Variants in BCAS3 observed in about 807,000 individuals in gnomAD.
BCAS3 encodes the protein BCAS4/BCAS3 fusion.
BCAS3 carries 53 observed loss-of-function variants against 116.1 expected under a neutral mutation model. The ratio of observed to expected loss-of-function variants is 0.46; its 90% CI spans 0.37 to 0.57. The LOEUF (loss-of-function observed/expected upper bound fraction) is 0.57, where lower values mean the gene tolerates loss of function less well. BCAS3 is among the 20% of genes least tolerant of loss of function. BCAS3 has a pLI of 0.00. For synonymous variants in BCAS3, 391 were observed against 408.2 expected (o/e 0.96, Z 0.51); for missense variants, 917 against 1,165.4 (o/e 0.79, Z 3.10).
At chr17:60,889,641 C>A in intron 9 of BCAS3, 54 bp from the exon 10 acceptor site, 1 of 1,443,952 alleles carries the variant, frequency 6.9e-7, no homozygotes, top group Admixed American at 1.7e-5. Flanking sequence ...ATATGATGCA[C>A]CAACAGAAAA....
intron 22 of BCAS3, among the ~76,000 whole-genome samples, chr17:61,216,332 C>G (rs2081783104): frequency 6.6e-6 from 1 of 152,054 alleles, no homozygotes; most frequent in Non-Finnish European, 1.5e-5. Context: ...ACCATTTTGT[C>G]AGATTTTTCT....
At chr17:60,839,072 A>G (rs943550202) in intron 7 of BCAS3, among the ~76,000 whole-genome samples, 1 of 152,244 alleles carries the variant, frequency 6.6e-6, no homozygotes, top group African/African-American at 2.4e-5. Flanking sequence ...TTTATATTAT[A>G]TGTATATTAC....
chr17:61,257,391 A>C (rs1417908611), intron 22 of BCAS3, among the ~76,000 whole-genome samples: 1 of 149,246 alleles, frequency 6.7e-6, no homozygotes, highest in African/African-American at 2.5e-5. Context: ...ACTGCACTCC[A>C]ACCTGGGAGA....
In BCAS3 at chr17:61,124,018, A is replaced by G. The variant is rs575566147; in HGVS notation, c.2425+39454A>G. 2.0e-5 allele frequency among the ~76,000 whole-genome samples: 3 copies of G among 152,150 alleles called. No individual in the cohort carries two copies. On this transcript the variant is annotated intron_variant, in intron 22 of 23. Coordinates refer to ENST00000407086, the MANE Select transcript of BCAS3 (RefSeq NM_017679.5). This position sits in a 1 kb window ranked among gnomAD's most constrained non-coding sequence, Gnocchi z 4.6. The stretch of plus-strand genomic sequence containing the variant: ...ATCAAATCAGTTCTTTTATGTGCTT[A>G]TACTACATGGTTTTCAGCTATCAAA...
chr17:61,029,809 A>G lies in BCAS3; in HGVS notation c.1638-4857A>G, dbSNP rs991542296. ...GTTTTCTAAGAGTTTTGATCAAGCT[A>G]TAAACAGTTCATGTAAACTAATCTT... is the stretch of plus-strand genomic sequence containing the variant. On this transcript the variant is annotated intron_variant, in intron 16 of 23. Coordinates refer to ENST00000407086, the MANE Select transcript of BCAS3 (RefSeq NM_017679.5). The surrounding 1 kb of genome is among the most constrained non-coding windows in gnomAD (Gnocchi z 5.2). Among the ~76,000 whole-genome samples the G allele has an allele frequency of 2.6e-5, 4 of 151,998 alleles. No homozygotes were observed. Among genetic ancestry groups the G allele is most frequent in the African/African-American group, 9.7e-5 (4 of 41,432 alleles).
intron 5 of BCAS3, among the ~76,000 whole-genome samples, chr17:60,743,611 G>C (rs2041787818): frequency 6.6e-6 from 1 of 151,732 alleles, no homozygotes; most frequent in Non-Finnish European, 1.5e-5. Context: ...TAATAATGCA[G>C]CATTATAAAG....
intron 3 of BCAS3, among the ~76,000 whole-genome samples, chr17:60,685,140 C>G (rs1338198623): frequency 6.6e-6 from 1 of 152,110 alleles, no homozygotes; most frequent in African/African-American, 2.4e-5. Flanking sequence ...TAACATTTTG[C>G]ACATTAGGCT....
At position 61,276,863 on chromosome 17, in the gene BCAS3, A is replaced by G. The variant is rs2050798751; in HGVS notation, c.2426-91464A>G. ...ACTGGCATAAGGATAGACATATACC[A>G]TAATGGAATAGAATTGAAAGTCCAA... On this transcript the variant is annotated intron_variant, in intron 22 of 23. Coordinates refer to ENST00000407086, the MANE Select transcript of BCAS3 (RefSeq NM_017679.5). The surrounding 1 kb of genome is among the most constrained non-coding windows in gnomAD (Gnocchi z 4.2). 6.6e-6 allele frequency among the ~76,000 whole-genome samples: 1 copy of G among 152,254 alleles called. No individual in the cohort carries two copies. The highest frequency in any genetic ancestry group is 1.5e-5 in the Non-Finnish European group (1 of 68,042).
intron 18 of BCAS3, among the ~76,000 whole-genome samples, chr17:61,038,651 G>GTTTTTGT (rs1555680995): frequency 7.5e-6 from 1 of 133,508 alleles, no homozygotes; most frequent in East Asian, 2.2e-4. Flanking sequence ...CCTTTTTTTT[G>GTTTTTGT]TTTTGTTTTT....
At position 61,227,306 on chromosome 17, in the gene BCAS3, A is replaced by G. The variant is rs560062194; in HGVS notation, c.2426-141021A>G. On this transcript the variant is annotated intron_variant, in intron 22 of 23. Transcript: ENST00000407086. This position sits in a 1 kb window ranked among gnomAD's most constrained non-coding sequence, Gnocchi z 6.1. ...CATATACAATGTCGCATGTGCTTTC[A>G]GGGGTTTCAGGACCCCTCTGAAATC... is the stretch of plus-strand genomic sequence containing the variant. 2.0e-5 allele frequency among the ~76,000 whole-genome samples: 3 copies of G among 152,334 alleles called. No individual in the cohort carries two copies. In the East Asian group the frequency reaches 5.8e-4, roughly 29 times the overall value.
At chr17:61,290,714 C>T (rs902234482) in intron 22 of BCAS3, among the ~76,000 whole-genome samples, 1 of 151,784 alleles carries the variant, frequency 6.6e-6, no homozygotes, top group African/African-American at 2.4e-5. Flanking sequence ...GGTAGGATTC[C>T]ATCATTAAGA....
chr17:60,849,178 T>C (rs934256213), intron 7 of BCAS3, among the ~76,000 whole-genome samples: 1 of 152,096 alleles, frequency 6.6e-6, no homozygotes, highest in Admixed American at 6.6e-5. Flanking sequence ...GCTAGCAAGC[T>C]GAGAGGCTAA....
At position 61,063,357 on chromosome 17, in the gene BCAS3, C is replaced by A. The variant is rs1281761825; in HGVS notation, c.2030-11563C>A. ...CAATCTCGGCTCACTGCAGCCTTTG[C>A]CTCCTGGGTTCAAGCGATTCTCACG... On this transcript the variant is annotated intron_variant, in intron 19 of 23. Coordinates refer to ENST00000407086, the MANE Select transcript of BCAS3 (RefSeq NM_017679.5). The surrounding 1 kb of genome is among the most constrained non-coding windows in gnomAD (Gnocchi z 5.3). Among the ~76,000 whole-genome samples, 1 of 151,944 alleles carries A rather than the reference C, an allele frequency of 6.6e-6. No individual in the cohort carries two copies. Among genetic ancestry groups the A allele is most frequent in the Non-Finnish European group, 1.5e-5 (1 of 68,004 alleles).
At chr17:60,816,367 C>T (rs1285401433) in intron 7 of BCAS3, among the ~76,000 whole-genome samples, 7 of 151,496 alleles carry the variant, frequency 4.6e-5, no homozygotes, top group South Asian at 4.2e-4. Context: ...CTCCACCTCC[C>T]GGGTTCAAGC....
In BCAS3 at chr17:61,073,333, G is replaced by A. The variant is rs1267599776; in HGVS notation, c.2030-1587G>A. 6.6e-6 allele frequency among the ~76,000 whole-genome samples: 1 copy of A among 152,198 alleles called. No homozygotes were observed. The highest frequency in any genetic ancestry group is 1.5e-5 in the Non-Finnish European group (1 of 68,030). On this transcript the variant is annotated intron_variant, in intron 19 of 23. Transcript: ENST00000407086. The surrounding 1 kb of genome is among the most constrained non-coding windows in gnomAD (Gnocchi z 4.6). Reference sequence around the variant, plus strand: ...CTTTAATACTGTGTATGCCTCTGCTGAGTAATTCACTGAATTAGCATTTCT... The same window carrying A: ...CTTTAATACTGTGTATGCCTCTGCTAAGTAATTCACTGAATTAGCATTTCT...
intron 13 of BCAS3, among the ~76,000 whole-genome samples, chr17:60,941,292 G>T (rs982797742): frequency 6.6e-6 from 1 of 152,170 alleles, no homozygotes; most frequent in Non-Finnish European, 1.5e-5. Context: ...CATTTGGGGC[G>T]TGGGTTTAGT....
intron 19 of BCAS3, among the ~76,000 whole-genome samples, chr17:61,042,891 CAAAAAAAAAAAA>C (rs35629825): frequency 3.8e-4 from 22 of 58,294 alleles, no homozygotes; most frequent in African/African-American, 9.9e-4. Context: ...CTCCATCTCA[CAAAAAAAAAAAA>C]AAAAAAAAAA....
chr17:60,768,007 C>T (rs1183183172), intron 6 of BCAS3, among the ~76,000 whole-genome samples: 3 of 152,124 alleles, frequency 2.0e-5, no homozygotes, highest in Non-Finnish European at 4.4e-5. Flanking sequence ...ACTATGTTGC[C>T]CAGCCTGGTC....
chr17:61,157,748 A>G (rs1256289531), intron 22 of BCAS3, among the ~76,000 whole-genome samples: 4 of 152,154 alleles, frequency 2.6e-5, no homozygotes, highest in Admixed American at 6.6e-5. Context: ...TGCAAACTCT[A>G]TTGAATGGAA....
Sources: gnomAD v4.1 joint callset for allele counts (sites outside exome capture counted in the v4.1 genomes callset) on GRCh38, gnomAD v4.1.1 for gene constraint, Gnocchi (gnomAD v3.1) non-coding constraint, MANE v1.5 for transcripts, NCBI Gene and HGNC (gene_info 2026-07-23, HGNC 2026-07-21) for gene names.